The following CEP350 variants were observed in gnomAD, a reference collection of about 807,000 sequenced individuals.
CEP350 encodes centrosome-associated protein 350.
In CEP350, 126 loss-of-function variants were observed where a neutral mutation model predicts 331.8. That is an observed-to-expected ratio of 0.38 (90% CI 0.33 to 0.44). CEP350 has a LOEUF of 0.44. CEP350 is among the 20% of genes least tolerant of loss of function. The pLI is 1.00. For missense variants in CEP350, 3,406 were observed against 3,634.6 expected (o/e 0.94, Z 1.62); for synonymous variants, 1,200 against 1,259.5 (o/e 0.95, Z 1.00).
In CEP350 at chr1:180,113,928, T is replaced by C. The variant is rs1162181548; in HGVS notation, c.*2767T>C. 1.3e-5 allele frequency: 2 copies of C among 152,636 alleles called. No individual in the cohort carries two copies. Among genetic ancestry groups the C allele is most frequent in the African/African-American group, 4.8e-5 (2 of 41,454 alleles). The allele number at this position is 152,636 out of a possible 1,614,324, so 9.5% of individuals were successfully genotyped here. ...TCTGAGTCCAAAACAATTTGTGCTATCCAGGGTAGTTAACTCTGGGTTAAA... is the reference window on the plus strand; with the variant it reads ...TCTGAGTCCAAAACAATTTGTGCTACCCAGGGTAGTTAACTCTGGGTTAAA... On this transcript the variant is annotated 3_prime_UTR_variant, in exon 38 of 38. Transcript: ENST00000367607.
chr1:180,027,083 G>T (rs1655727219), intron 14 of CEP350, among the ~76,000 whole-genome samples: 1 of 152,152 alleles, frequency 6.6e-6, no homozygotes, highest in Admixed American at 6.5e-5. Context: ...AATGCACAGG[G>T]TTCTATTTTG....
intron 37 of CEP350, among the ~76,000 whole-genome samples, chr1:180,106,417 C>G (rs1322010039): frequency 6.6e-6 from 1 of 152,150 alleles, no homozygotes; most frequent in East Asian, 1.9e-4. Flanking sequence ...AAATAGCTAT[C>G]ATGTTTGACC....
intron 25 of CEP350, among the ~76,000 whole-genome samples, chr1:180,059,247 G>A (rs1180104438): frequency 6.6e-6 from 1 of 152,166 alleles, no homozygotes; most frequent in Non-Finnish European, 1.5e-5. Context: ...CACAGGTCTG[G>A]AAGGTCAAAA....
intron 3 of CEP350, among the ~76,000 whole-genome samples, chr1:179,987,723 T>A (rs1167995778): frequency 6.6e-6 from 1 of 151,248 alleles, no homozygotes; most frequent in Non-Finnish European, 1.5e-5. Context: ...GCCCAGGAGT[T>A]TGAGATTAGC....
rs914400722 is a variant in CEP350, at chr1:180,046,132, A to G, written c.4622+1959A>G. Among the ~76,000 whole-genome samples, 8 of 152,118 alleles carry G rather than the reference A, an allele frequency of 5.3e-5. 1 individual carries two copies. The South Asian group carries it at 1.7e-3, about 32-fold the overall frequency. On this transcript the variant is annotated intron_variant, in intron 21 of 37. Coordinates refer to ENST00000367607, the MANE Select transcript of CEP350 (RefSeq NM_014810.5). ...TAGCTGTGATAGTCTTGACCACCCT[A>G]TGTGTACATGTTTCTTTGTTAGTCA...
At position 179,982,388 on chromosome 1, in the gene CEP350, C is replaced by G. The variant is rs150337179; in HGVS notation, c.-13-3781C>G. Among the ~76,000 whole-genome samples the G allele has an allele frequency of 4.1e-3, 630 of 152,306 alleles. 7 individuals carry two copies. The highest frequency in any genetic ancestry group is 0.015 in the African/African-American group (606 of 41,560). On this transcript the variant is annotated intron_variant, in intron 1 of 37. Transcript: ENST00000367607. ...TTTGCATGTAGTTGTAATTCATTCT[C>G]ATTATTAGTGGGGGATACTCTACAG...
intron 11 of CEP350, among the ~76,000 whole-genome samples, chr1:180,018,805 A>G (rs976811423): frequency 6.6e-6 from 1 of 151,750 alleles, no homozygotes; most frequent in Non-Finnish European, 1.5e-5. Context: ...CATCATCCTA[A>G]AATAATGGAC....
intron 25 of CEP350, among the ~76,000 whole-genome samples, chr1:180,058,038 C>A (rs375166578): frequency 6.6e-6 from 1 of 152,086 alleles, no homozygotes; most frequent in Non-Finnish European, 1.5e-5. Flanking sequence ...CTGGTGTAAC[C>A]ACTTTGAGTT....
chr1:180,013,762 A>G, intron 9 of CEP350, 85 bp from the exon 10 acceptor site: 1 of 1,197,734 alleles, frequency 8.3e-7, no homozygotes, highest in Non-Finnish European at 1.2e-6. Context: ...ATAAAATGAA[A>G]TTCTCTAATT....
Position 180,009,376 on chromosome 1 carries a change from G to A in CEP350, c.1247-2553G>A, listed in dbSNP as rs540311417. The stretch of plus-strand genomic sequence containing the variant: ...ATGTAATACTGTTGTCAGAAGCATA[G>A]TTTGAAATGAAGCACAGGGACCCCT... On this transcript the variant is annotated intron_variant, in intron 8 of 37. Coordinates refer to ENST00000367607, the MANE Select transcript of CEP350 (RefSeq NM_014810.5). 2.8e-4 allele frequency among the ~76,000 whole-genome samples: 43 copies of A among 152,324 alleles called. No homozygotes were observed. The Middle Eastern group carries it at 0.01, about 36-fold the overall frequency.
At chr1:180,079,245 AT>A (rs1659418262) in intron 29 of CEP350, among the ~76,000 whole-genome samples, 1 of 151,770 alleles carries the variant, frequency 6.6e-6, no homozygotes, top group African/African-American at 2.4e-5. Flanking sequence ...AATATAGCAA[AT>A]AATTAGCATA....
At chr1:180,057,265 A>AT (rs1298906180) in intron 25 of CEP350, among the ~76,000 whole-genome samples, 2 of 151,088 alleles carry the variant, frequency 1.3e-5, no homozygotes, top group African/African-American at 4.9e-5. Context: ...CACCCAGCTA[A>AT]TTTTTTTGTA....
intron 27 of CEP350, among the ~76,000 whole-genome samples, chr1:180,068,020 C>T (rs1231498234): frequency 6.6e-6 from 1 of 152,198 alleles, no homozygotes. Flanking sequence ...CTTAGTTGTT[C>T]CATAGATTTG....
At chr1:180,024,899 T>C (rs1655565112) in intron 14 of CEP350, among the ~76,000 whole-genome samples, 1 of 152,096 alleles carries the variant, frequency 6.6e-6, no homozygotes, top group Non-Finnish European at 1.5e-5. Flanking sequence ...ATACGTAAAA[T>C]TATACACACA....
chr1:180,032,567 C>CA (rs1250330042), intron 15 of CEP350, among the ~76,000 whole-genome samples: 1 of 151,894 alleles, frequency 6.6e-6, no homozygotes, highest in Non-Finnish European at 1.5e-5. Context: ...CATGGAGATT[C>CA]ACAGAGATAA....
intron 3 of CEP350, among the ~76,000 whole-genome samples, chr1:179,987,934 C>CAATAAT (rs546756597): frequency 6.6e-6 from 1 of 151,408 alleles, no homozygotes; most frequent in Non-Finnish European, 1.5e-5. Context: ...GACCCTGTCT[C>CAATAAT]AATAATAATA....
rs774743278 is a variant in CEP350 at position 180,053,131 on chromosome 1, G to A, written c.4954G>A (p.Ala1652Thr). 1 of 1,598,980 alleles carries A rather than the reference G, an allele frequency of 6.3e-7. No individual in the cohort carries two copies. The highest frequency in any genetic ancestry group is 8.5e-7 in the Non-Finnish European group (1 of 1,174,340). Residue 1652 changes from alanine to threonine, a missense_variant, in exon 23 of 38, where the codon GCT (alanine) becomes ACT (threonine). Ala to Thr is a moderately conservative substitution (Grantham distance 58, BLOSUM62 0). Around this residue, in one of 5 missense-constraint regions of CEP350, gnomAD observed 104 missense variants for 143.3 expected, o/e 0.73. Coordinates refer to ENST00000367607, the MANE Select transcript of CEP350 (RefSeq NM_014810.5). Reference protein sequence around the residue: ...RGHHDDSDEEASPEKTTLSTA... With the variant: ...RGHHDDSDEETSPEKTTLSTA... ...TCATCATGATGACTCTGATGAAGAA[G>A]CTTCTCCAGAAAAAACTACACTGTC... is the stretch of plus-strand genomic sequence containing the variant.
At chr1:180,031,261 T>A (rs977699272) in intron 14 of CEP350, 59 bp from the exon 15 acceptor site, 2 of 984,246 alleles carry the variant, frequency 2.0e-6, no homozygotes, top group African/African-American at 3.3e-5. Context: ...ATATATCAAT[T>A]ATCTCTCTCA....
At chr1:180,063,788 A>G (rs1658385752) in intron 26 of CEP350, among the ~76,000 whole-genome samples, 1 of 146,246 alleles carries the variant, frequency 6.8e-6, no homozygotes, top group Non-Finnish European at 1.5e-5. Flanking sequence ...ACTCCAGCCT[A>G]GGTGATAAAG....
Sources: allele counts gnomAD v4.1 joint callset (sites outside exome capture counted in the v4.1 genomes callset), GRCh38; gene constraint gnomAD v4.1.1; regional missense constraint gnomAD v4.1.1; transcripts MANE v1.5; gene names NCBI Gene and HGNC (gene_info 2026-07-23, HGNC 2026-07-21).